WBP11: variants seen among roughly 807,000 people sequenced by gnomAD.
The protein encoded by WBP11 is WW domain binding protein 11.
Under a neutral mutation model 66.7 loss-of-function variants are expected in WBP11, and 12 were observed. The ratio of observed to expected loss-of-function variants is 0.18; its 90% CI spans 0.12 to 0.29. The LOEUF (loss-of-function observed/expected upper bound fraction) is 0.29, where lower values mean the gene tolerates loss of function less well. Ranked by LOEUF, WBP11 falls within the 10% of genes least tolerant of loss-of-function variation. The probability of loss-of-function intolerance (pLI) is 1.00; values close to 1 mark genes in which losing one functional copy is unlikely to be tolerated. For missense variants in WBP11, 555 were observed against 818.3 expected (o/e 0.68, Z 3.93); for synonymous variants, 255 against 273.8 (o/e 0.93, Z 0.68).
rs1336153567 is a variant in WBP11, at chr12:14,787,422, G to C, written c.1569C>G (p.Phe523Leu). The C allele has an allele frequency of 1.3e-6, 2 of 1,566,750 alleles. No homozygotes were observed. The highest frequency in any genetic ancestry group is 1.4e-5 in the African/African-American group (1 of 73,954). Residue 523 changes from phenylalanine (F) to leucine (L), a missense_variant, in exon 12 of 12, where the codon TTC becomes TTG. Transcript: ENST00000261167. Reference sequence around the variant, plus strand: ...CAGGGTTTGGCAAGGGAGCTGGTGGGAACAGCCCAGGGGGGGCAGGTCCAA... The same window carrying C: ...CAGGGTTTGGCAAGGGAGCTGGTGGCAACAGCCCAGGGGGGGCAGGTCCAA... ...PPLGPAPPGLFPPAPLPNPGV... is the reference protein window; with the variant it reads ...PPLGPAPPGLLPPAPLPNPGV...
rs760196755 is a variant in WBP11, at chr12:14,793,740, T to C, written c.904A>G (p.Lys302Glu). 3 of 1,613,974 alleles carry C rather than the reference T, an allele frequency of 1.9e-6. No homozygotes were observed. The highest frequency in any genetic ancestry group is 2.2e-5 in the East Asian group (1 of 44,872). The change falls in exon 8 of 12, where the codon AAG becomes GAG. Residue 302 changes from lysine to glutamate, a missense_variant. Coordinates refer to ENST00000261167, the MANE Select transcript of WBP11 (RefSeq NM_016312.3). ...CTTCATCTGCACATACCTGACTTCTTTTCTTCATTGTTGTCTCTCTCACCA... is the reference window on the plus strand; with the variant it reads ...CTTCATCTGCACATACCTGACTTCTCTTCTTCATTGTTGTCTCTCTCACCA... ...DNGERDNNEE[K>E]KSGLSVRFAD...
Position 14,800,741 on chromosome 12 carries a change from T to C in WBP11, c.96+11A>G, listed in dbSNP as rs1405520749. On this transcript the variant is annotated intron_variant, in intron 3 of 11. Coordinates refer to ENST00000261167, the MANE Select transcript of WBP11 (RefSeq NM_016312.3). ...TACTTAAAGTTTTATAAGATGCCTCTAAAATCATACCTTCTTTAATTCTCT... is the reference window on the plus strand; with the variant it reads ...TACTTAAAGTTTTATAAGATGCCTCCAAAATCATACCTTCTTTAATTCTCT... 1 of 1,605,522 alleles carries C rather than the reference T, an allele frequency of 6.2e-7. No individual in the cohort carries two copies. The highest frequency in any genetic ancestry group is 1.7e-5 in the Admixed American group (1 of 58,934).
chr12:14,787,185 A>G lies in WBP11; in HGVS notation c.1806T>C (p.Asp602=). The change falls in exon 12 of 12, where the codon GAT becomes GAC. Residue 602 remains aspartate (D), a synonymous_variant. Coordinates refer to ENST00000261167, the MANE Select transcript of WBP11 (RefSeq NM_016312.3). ...ATAAPQRKSE[D]DSAVPLAKAA... is the part of the protein sequence containing the mutation. ...CTTTGGCAAGAGGCACAGCAGAATCATCCTCTGACTTTCTTTGGGGAGCAG... is the reference window on the plus strand; with the variant it reads ...CTTTGGCAAGAGGCACAGCAGAATCGTCCTCTGACTTTCTTTGGGGAGCAG... 6.2e-7 allele frequency: 1 copy of G among 1,614,048 alleles called. No individual in the cohort carries two copies. The highest frequency in any genetic ancestry group is 8.5e-7 in the Non-Finnish European group (1 of 1,180,046).
intron 3 of WBP11, 99 bp from the exon 4 acceptor site, chr12:14,799,827 G>C: frequency 8.9e-7 from 1 of 1,117,454 alleles, no homozygotes. Flanking sequence ...CTTGGCTTCT[G>C]ATCACTTGTT....
chr12:14,792,267 TTA>T (rs941467306), intron 8 of WBP11, among the ~76,000 whole-genome samples: 1 of 147,260 alleles, frequency 6.8e-6, no homozygotes, highest in Non-Finnish European at 1.5e-5. Context: ...TAAAAAATAT[TTA>T]TGATTAAAAA....
rs1487316248 is a variant in WBP11, at chr12:14,784,926, TG to T, written c.*2138del. The T allele has an allele frequency of 2.0e-5, 2 of 98,306 alleles. No individual in the cohort carries two copies. The highest frequency in any genetic ancestry group is 4.2e-5 in the African/African-American group (1 of 23,706). The allele number at this position is 98,306 out of a possible 1,614,324, so 6.1% of individuals were successfully genotyped here. ...AATTCCCCTTTCCTGTGGATGCAGC[TG>T]ATGTATTGTCACACCACTAATTTTC... On this transcript the variant is annotated 3_prime_UTR_variant, in exon 12 of 12. Transcript: ENST00000261167.
chr12:14,787,880 A>G (rs554512622), intron 11 of WBP11, among the ~76,000 whole-genome samples: 2 of 152,212 alleles, frequency 1.3e-5, no homozygotes, highest in Admixed American at 6.5e-5. Flanking sequence ...ATTATATTCC[A>G]TACCATTTCC....
chr12:14,801,191 C>T, intron 2 of WBP11, 129 bp downstream of exon 2: 7 of 874,536 alleles, frequency 8.0e-6, no homozygotes. Context: ...CCCATACAAA[C>T]CCTGAATATA....
Position 14,794,673 on chromosome 12 carries a change from A to G in WBP11, c.585T>C (p.Pro195=). 1.9e-6 allele frequency: 3 copies of G among 1,612,140 alleles called. No homozygotes were observed. Among genetic ancestry groups the G allele is most frequent in the Non-Finnish European group, 2.5e-6 (3 of 1,178,974 alleles). Residue 195 remains proline (P), a synonymous_variant, in exon 7 of 12, where the codon CCT becomes CCC. Transcript: ENST00000261167. ...GGGGAGGGCCAGGAGGTTTTCTGCC[A>G]GGGGGCAAACGTGGAACACCATGTC... is the stretch of plus-strand genomic sequence containing the variant. ...LLGHGVPRLP[P]GRKPPGPPPG...
chr12:14,799,056 A>G lies in WBP11; in HGVS notation c.190+579T>C, dbSNP rs540478672. On this transcript the variant is annotated intron_variant, in intron 4 of 11. Coordinates refer to ENST00000261167, the MANE Select transcript of WBP11 (RefSeq NM_016312.3). Reference sequence around the variant, plus strand: ...GCAGCTATTTCATGTGATTCCAGTTATAACAAAGCAGCGATACTTAAAATG... The same window carrying G: ...GCAGCTATTTCATGTGATTCCAGTTGTAACAAAGCAGCGATACTTAAAATG... Among the ~76,000 whole-genome samples the G allele has an allele frequency of 3.9e-5, 6 of 152,340 alleles. No individual in the cohort carries two copies. The South Asian group carries it at 1.0e-3, about 26-fold the overall frequency.
At chr12:14,795,297 A>G (rs1016131197) in intron 5 of WBP11, among the ~76,000 whole-genome samples, 193 bp from the exon 6 acceptor site, 8 of 152,170 alleles carry the variant, frequency 5.3e-5, no homozygotes, top group Middle Eastern at 3.4e-3. Flanking sequence ...CTTTACTTCT[A>G]AAAACGTCAG....
At chr12:14,788,096 G>A (rs1949775424) in intron 11 of WBP11, among the ~76,000 whole-genome samples, 2 of 152,046 alleles carry the variant, frequency 1.3e-5, no homozygotes, top group African/African-American at 4.8e-5. Context: ...AAAATTAGCT[G>A]GGCGTGGTGG....
intron 11 of WBP11, among the ~76,000 whole-genome samples, chr12:14,787,874 T>C (rs538120089): frequency 6.6e-6 from 1 of 152,198 alleles, no homozygotes; most frequent in Non-Finnish European, 1.5e-5. Flanking sequence ...CCATGCATTA[T>C]ATTCCATACC....
chr12:14,801,667 C>G (rs1454484322), intron 1 of WBP11, among the ~76,000 whole-genome samples: 3 of 152,194 alleles, frequency 2.0e-5, no homozygotes, highest in African/African-American at 7.2e-5. Context: ...TGAATATCCT[C>G]AAGTCATCAG....
At position 14,787,216 on chromosome 12, in the gene WBP11, G is replaced by A. The variant is rs1949763462; in HGVS notation, c.1775C>T (p.Ala592Val). 6.2e-7 allele frequency: 1 copy of A among 1,614,162 alleles called. No homozygotes were observed. ...TGACTTTCTTTGGGGAGCAGCAGTA[G>A]CCCCTTTATTCTCCCGACGTACTCT... is the stretch of plus-strand genomic sequence containing the variant. ...ALRVRRENKG[A>V]TAAPQRKSED... is the part of the protein sequence containing the mutation. The change falls in exon 12 of 12, where the codon GCT becomes GTT. Residue 592 changes from alanine to valine, a missense_variant. Around this residue, in one of 6 missense-constraint regions of WBP11, gnomAD observed 50 missense variants for 68.3 expected, o/e 0.73. Coordinates refer to ENST00000261167, the MANE Select transcript of WBP11 (RefSeq NM_016312.3).
chr12:14,789,300 T>A (rs1949794037), intron 10 of WBP11, among the ~76,000 whole-genome samples, 167 bp from the exon 11 acceptor site: 1 of 152,002 alleles, frequency 6.6e-6, no homozygotes, highest in African/African-American at 2.4e-5. Context: ...AATATCTGAG[T>A]ACAGCCGGGC....
rs180769519 is a variant in WBP11 at position 14,786,940 on chromosome 12, T to C, written c.*125A>G. On this transcript the variant is annotated 3_prime_UTR_variant, in exon 12 of 12. Transcript: ENST00000261167. Reference sequence around the variant, plus strand: ...CTGAACAAGGCTAAATTTTAGGATATTCCTTGAACTGAAATTAGAAAATAC... The same window carrying C: ...CTGAACAAGGCTAAATTTTAGGATACTCCTTGAACTGAAATTAGAAAATAC... The C allele has an allele frequency of 1.9e-6, 2 of 1,062,464 alleles. No homozygotes were observed. The highest frequency in any genetic ancestry group is 2.9e-5 in the Admixed American group (1 of 34,592). 65.8% of individuals were successfully genotyped at this position (1,062,464 alleles called of 1,614,324 possible). A position where few individuals can be genotyped will look rare whatever the true frequency, so the allele number is the denominator to read the frequency against.
At chr12:14,797,326 C>A (rs1949905337) in intron 4 of WBP11, among the ~76,000 whole-genome samples, 2 of 152,076 alleles carry the variant, frequency 1.3e-5, no homozygotes, top group African/African-American at 4.8e-5. Context: ...CTACGTTAGT[C>A]CTGTCAAATT....
chr12:14,801,414 T>G lies in WBP11; in HGVS notation c.-31A>C, dbSNP rs968357983. ...CAATTTGTATGGTTTACTTGTTCAT[T>G]AAAAAAAGAAAAACCTGTGAAGGTG... On this transcript the variant is annotated 5_prime_UTR_variant, in exon 2 of 12. Coordinates refer to ENST00000261167, the MANE Select transcript of WBP11 (RefSeq NM_016312.3). The G allele has an allele frequency of 6.2e-7, 1 of 1,604,018 alleles. No individual in the cohort carries two copies. Among genetic ancestry groups the G allele is most frequent in the Non-Finnish European group, 8.5e-7 (1 of 1,174,594 alleles).
Sources: allele counts gnomAD v4.1 joint callset (sites outside exome capture counted in the v4.1 genomes callset), GRCh38; gene constraint gnomAD v4.1.1; regional missense constraint gnomAD v4.1.1; transcripts MANE v1.5; gene names NCBI Gene and HGNC (gene_info 2026-07-23, HGNC 2026-07-21).